The following AKAP13 variants were observed in gnomAD, a reference collection of about 807,000 sequenced individuals.
AKAP13 encodes A-kinase anchor protein 13.
In AKAP13, 80 loss-of-function variants were observed where a neutral mutation model predicts 264.5. That is an observed-to-expected ratio of 0.30 (90% CI 0.25 to 0.36). AKAP13 has a LOEUF of 0.36. Ranked by LOEUF, AKAP13 falls within the 10% of genes least tolerant of loss-of-function variation. The pLI, the probability that AKAP13 is intolerant of heterozygous loss-of-function variation, is 1.00. For missense variants in AKAP13, 3,712 were observed against 3,435.2 expected (o/e 1.08, Z -2.01); for synonymous variants, 1,380 against 1,250.2 (o/e 1.10, Z -2.19).
At chr15:85,490,140 T>C (rs1273135466) in intron 2 of AKAP13, among the ~76,000 whole-genome samples, 1 of 152,202 alleles carries the variant, frequency 6.6e-6, no homozygotes, top group Non-Finnish European at 1.5e-5. Context: ...AGTATCCTTC[T>C]TGGTATGAGG....
chr15:85,622,428 G>A (rs1292794852), intron 8 of AKAP13, among the ~76,000 whole-genome samples: 1 of 152,172 alleles, frequency 6.6e-6, no homozygotes, highest in Non-Finnish European at 1.5e-5. Flanking sequence ...GTGGTGGATG[G>A]GAGCACCTTG....
intron 8 of AKAP13, among the ~76,000 whole-genome samples, chr15:85,594,593 C>T (rs2079726735): frequency 1.3e-5 from 2 of 152,168 alleles, no homozygotes; most frequent in Admixed American, 6.5e-5. Context: ...TAGGTGATCT[C>T]TTAGAAAAAA....
At chr15:85,417,185 T>C (rs1373552182) in intron 1 of AKAP13, among the ~76,000 whole-genome samples, 1 of 152,232 alleles carries the variant, frequency 6.6e-6, no homozygotes, top group African/African-American at 2.4e-5. Flanking sequence ...TGGATTGATA[T>C]TAGAAATATT....
At chr15:85,543,444 G>A (rs939185623) in intron 4 of AKAP13, among the ~76,000 whole-genome samples, 2 of 152,176 alleles carry the variant, frequency 1.3e-5, no homozygotes, top group Non-Finnish European at 2.9e-5. Context: ...TGTATGGGTC[G>A]CCTTTATATG....
intron 6 of AKAP13, among the ~76,000 whole-genome samples, chr15:85,576,598 C>T (rs1222120900): frequency 6.6e-6 from 1 of 152,194 alleles, no homozygotes. Flanking sequence ...GATTTGGAAA[C>T]CACTGGACAG....
At chr15:85,493,731 C>G (rs535637469) in intron 2 of AKAP13, among the ~76,000 whole-genome samples, 1 of 152,146 alleles carries the variant, frequency 6.6e-6, no homozygotes, top group Non-Finnish European at 1.5e-5. Flanking sequence ...ATAGTACATG[C>G]CCCCTTTGTC....
chr15:85,532,943 T>C (rs182410814), intron 3 of AKAP13, among the ~76,000 whole-genome samples: 2 of 152,350 alleles, frequency 1.3e-5, no homozygotes, highest in Non-Finnish European at 2.9e-5. Context: ...GGTAATTTCA[T>C]TGAAGTCCTC....
In AKAP13 at chr15:85,463,760, G is replaced by A. The variant is rs146913781; in HGVS notation, c.-11-21950G>A. ...GTGAGTTCTATTGATATCTGAGTCAGCTGCAACATAAAGCGACTACTGGGG... is the reference window on the plus strand; with the variant it reads ...GTGAGTTCTATTGATATCTGAGTCAACTGCAACATAAAGCGACTACTGGGG... On this transcript the variant is annotated intron_variant, in intron 1 of 36. Coordinates refer to ENST00000394518, the MANE Select transcript of AKAP13 (RefSeq NM_007200.5). Among the ~76,000 whole-genome samples the A allele has an allele frequency of 5.1e-3, 769 of 152,160 alleles. 4 individuals carry two copies. The highest frequency in any genetic ancestry group is 8.0e-3 in the Non-Finnish European group (542 of 67,996).
chr15:85,744,872 T>C lies in AKAP13; in HGVS notation c.*195T>C. Reference sequence around the variant, plus strand: ...CGGGTGGGGAAGGAGGCCCAGACTCTGCTTCGGCCATGATTTGTGACTGCC... The same window carrying C: ...CGGGTGGGGAAGGAGGCCCAGACTCCGCTTCGGCCATGATTTGTGACTGCC... On this transcript the variant is annotated 3_prime_UTR_variant, in exon 37 of 37. Transcript: ENST00000394518. 1.9e-6 allele frequency: 1 copy of C among 522,136 alleles called. No homozygotes were observed. 32.3% of individuals were successfully genotyped at this position (522,136 alleles called of 1,614,324 possible).
At chr15:85,738,765 G>A (rs1192052167) in intron 33 of AKAP13, among the ~76,000 whole-genome samples, 4 of 150,740 alleles carry the variant, frequency 2.7e-5, no homozygotes, top group African/African-American at 9.8e-5. Flanking sequence ...GTGAACCCGG[G>A]AGGCGGAGCT....
At chr15:85,738,095 T>G (rs928835529) in intron 33 of AKAP13, among the ~76,000 whole-genome samples, 2 of 152,126 alleles carry the variant, frequency 1.3e-5, no homozygotes, top group Non-Finnish European at 2.9e-5. Flanking sequence ...TACTTCTGTT[T>G]ATTAAGAATA....
intron 1 of AKAP13, among the ~76,000 whole-genome samples, chr15:85,465,899 C>G (rs1160758270): frequency 1.4e-5 from 2 of 148,016 alleles, no homozygotes; most frequent in Admixed American, 6.7e-5. Context: ...AATGGTATTT[C>G]TAGTTCTAGA....
intron 1 of AKAP13, among the ~76,000 whole-genome samples, chr15:85,442,481 A>AAT (rs1281010844): frequency 2.6e-5 from 3 of 117,108 alleles, no homozygotes; most frequent in Non-Finnish European, 5.1e-5. Context: ...TATATTATAT[A>AAT]ATATATATAA....
chr15:85,466,251 T>C (rs1430707822), intron 1 of AKAP13, among the ~76,000 whole-genome samples: 3 of 152,054 alleles, frequency 2.0e-5, no homozygotes, highest in Non-Finnish European at 4.4e-5. Context: ...TTCTGGATAT[T>C]AGCCCTTTGT....
chr15:85,384,257 T>C (rs1433661306), intron 1 of AKAP13, among the ~76,000 whole-genome samples: 1 of 152,244 alleles, frequency 6.6e-6, no homozygotes, highest in Non-Finnish European at 1.5e-5. Context: ...AAAGTTGGAC[T>C]TTTGATGTTC....
At chr15:85,738,346 C>T (rs1256064688) in intron 33 of AKAP13, among the ~76,000 whole-genome samples, 13 of 150,606 alleles carry the variant, frequency 8.6e-5, no homozygotes, top group African/African-American at 1.7e-4. Flanking sequence ...GGGCCAAGAT[C>T]GCACCACTGC....
Position 85,665,258 on chromosome 15 carries a change from C to A in AKAP13, c.4992+503C>A, listed in dbSNP as rs374102585. Among the ~76,000 whole-genome samples the A allele has an allele frequency of 7.0e-4, 107 of 152,216 alleles. 2 individuals carry two copies. In the South Asian group the frequency reaches 0.021, roughly 29 times the overall value. On this transcript the variant is annotated intron_variant, in intron 13 of 36. Coordinates refer to ENST00000394518, the MANE Select transcript of AKAP13 (RefSeq NM_007200.5). ...GTTAATCTGCATAGATTTAAATATTCCATCAAGGCACACTTTTTAAAATTA... is the reference window on the plus strand; with the variant it reads ...GTTAATCTGCATAGATTTAAATATTACATCAAGGCACACTTTTTAAAATTA...
intron 2 of AKAP13, among the ~76,000 whole-genome samples, chr15:85,491,509 A>ATATATTG (rs2075725089): frequency 6.8e-6 from 1 of 146,212 alleles, no homozygotes; most frequent in Non-Finnish European, 1.5e-5. Context: ...ATTATATATT[A>ATATATTG]TATATTATAT....
chr15:85,743,086 G>A (rs548581184), intron 35 of AKAP13, among the ~76,000 whole-genome samples: 2 of 152,168 alleles, frequency 1.3e-5, no homozygotes, highest in South Asian at 2.1e-4. Flanking sequence ...TCCTCTAACC[G>A]GAACAGGCTT....
Sources: allele counts gnomAD v4.1 joint callset (sites outside exome capture counted in the v4.1 genomes callset), GRCh38; gene constraint gnomAD v4.1.1; transcripts MANE v1.5; gene names NCBI Gene and HGNC (gene_info 2026-07-23, HGNC 2026-07-21).